Variants in RPS6KA2 observed in about 807,000 individuals in gnomAD.
The protein encoded by RPS6KA2 is ribosomal protein S6 kinase A2, also known as ribosomal protein S6 kinase alpha-2.
In RPS6KA2, 42 loss-of-function variants were observed where a neutral mutation model predicts 91.8. That is an observed-to-expected ratio of 0.46 (90% CI 0.36 to 0.59). The LOEUF is 0.59. Ranked by LOEUF, RPS6KA2 falls within the 20% of genes least tolerant of loss-of-function variation. RPS6KA2 has a pLI of 0.00. For synonymous variants in RPS6KA2, 414 were observed against 393.6 expected (o/e 1.05, Z -0.61); for missense variants, 798 against 978.5 (o/e 0.82, Z 2.46).
At chr6:166,677,204 G>A (rs1171353605) in intron 2 of RPS6KA2, among the ~76,000 whole-genome samples, 2 of 152,276 alleles carry the variant, frequency 1.3e-5, no homozygotes, top group East Asian at 1.9e-4. Context: ...CCAGAAAGAC[G>A]GAACGGAAGG....
intron 10 of RPS6KA2, among the ~76,000 whole-genome samples, chr6:166,471,218 G>T (rs1780757140): frequency 6.6e-6 from 1 of 152,254 alleles, no homozygotes; most frequent in Admixed American, 6.5e-5. Flanking sequence ...GTCAGCACAG[G>T]TGTGGCCCGG....
At chr6:166,775,301 C>T (rs915204853) in intron 2 of RPS6KA2, among the ~76,000 whole-genome samples, 3 of 150,098 alleles carry the variant, frequency 2.0e-5, no homozygotes, top group African/African-American at 4.9e-5. Flanking sequence ...TCAGGAGCTC[C>T]ACCTTTGGTT....
rs1786869048 is a variant in RPS6KA2, at chr6:166,626,257, G to A, written c.99+664C>T. 6.6e-6 allele frequency among the ~76,000 whole-genome samples: 1 copy of A among 152,220 alleles called. No individual in the cohort carries two copies. The highest frequency in any genetic ancestry group is 6.5e-5 in the Admixed American group (1 of 15,288). ...AGGAAACTCTAAGATGCCAAGATGC[G>A]GGACAGGTAGAAAGGACAGGGCTTT... is the stretch of plus-strand genomic sequence containing the variant. On this transcript the variant is annotated intron_variant, in intron 1 of 20. Transcript: ENST00000265678. The surrounding 1 kb of genome is among the most constrained non-coding windows in gnomAD (Gnocchi z 4.1).
Position 166,612,361 on chromosome 6 carries a change from TG to T in RPS6KA2, c.99+14559del, listed in dbSNP as rs1238973627. Among the ~76,000 whole-genome samples the T allele has an allele frequency of 2.0e-5, 3 of 152,184 alleles. No individual in the cohort carries two copies. The East Asian group carries it at 5.8e-4, about 29-fold the overall frequency. On this transcript the variant is annotated intron_variant, in intron 1 of 20. Transcript: ENST00000265678. This position sits in a 1 kb window ranked among gnomAD's most constrained non-coding sequence, Gnocchi z 4.3. ...CAGAGACGTTTATCCTCCTTGCAGC[TG>T]GTGCATGAGTGAAACTCTGAATTTG...
intron 13 of RPS6KA2, among the ~76,000 whole-genome samples, chr6:166,449,874 C>CGGACCACCATGGGAACCACCACAG (rs1779812515): frequency 5.7e-5 from 7 of 122,670 alleles, no homozygotes; most frequent in African/African-American, 1.2e-4. Context: ...AACCACCACG[C>CGGACCACCATGGGAACCACCACAG]GGACCACCAT....
chr6:166,795,103 A>G, intron 2 of RPS6KA2, among the ~76,000 whole-genome samples: 1 of 152,276 alleles, frequency 6.6e-6, no homozygotes, highest in South Asian at 2.1e-4. Context: ...CATTTTCTAC[A>G]TTGTAATATA....
chr6:166,531,175 G>A (rs907232620), intron 3 of RPS6KA2, 57 bp downstream of exon 3: 8 of 1,091,556 alleles, frequency 7.3e-6, no homozygotes, highest in South Asian at 1.3e-5. Context: ...CTCAAATAAC[G>A]GAGTAGAAAT....
chr6:166,858,404 C>T (rs1022350902), intron 1 of RPS6KA2: 15 of 620,374 alleles, frequency 2.4e-5, no homozygotes, highest in Non-Finnish European at 4.1e-5. Flanking sequence ...CCGTCCCTTC[C>T]CACCTGAATT....
Position 166,639,833 on chromosome 6 carries a change from G to A in RPS6KA2, c.124-101049C>T, listed in dbSNP as rs972329909. Among the ~76,000 whole-genome samples, 1 of 151,730 alleles carries A rather than the reference G, an allele frequency of 6.6e-6. No individual in the cohort carries two copies. Among genetic ancestry groups the A allele is most frequent in the Non-Finnish European group, 1.5e-5 (1 of 67,948 alleles). ...ACAGGCCCTGTTGGGGTCTCTCCTG[G>A]GTTCCTCTAGTTTGCTCACTGTGCT... On this transcript the variant is annotated intron_variant, in intron 2 of 21. Transcript: ENST00000503859. The surrounding 1 kb of genome is among the most constrained non-coding windows in gnomAD (Gnocchi z 4.2).
chr6:166,668,104 G>A (rs1415847068), intron 2 of RPS6KA2, among the ~76,000 whole-genome samples: 2 of 152,228 alleles, frequency 1.3e-5, no homozygotes, highest in African/African-American at 2.4e-5. Flanking sequence ...CAGGTTCCTG[G>A]AGAGCTGGAG....
At chr6:166,438,155 A>G (rs926060928) in intron 14 of RPS6KA2, among the ~76,000 whole-genome samples, 3 of 152,240 alleles carry the variant, frequency 2.0e-5, no homozygotes, top group African/African-American at 7.2e-5. Context: ...ATTTAAACTA[A>G]TGACAGAGAG....
intron 2 of RPS6KA2, among the ~76,000 whole-genome samples, chr6:166,750,066 G>A (rs1791229073): frequency 6.6e-6 from 1 of 152,124 alleles, no homozygotes; most frequent in Non-Finnish European, 1.5e-5. Context: ...GGGCCTTCCT[G>A]GGAGAAGGCA....
chr6:166,701,471 C>T, intron 2 of RPS6KA2: 3 of 1,162,154 alleles, frequency 2.6e-6, no homozygotes, highest in South Asian at 2.4e-5. Context: ...GCGATCATCA[C>T]CATCCTCACC....
chr6:166,824,645 C>CTGTG (rs55815873), intron 2 of RPS6KA2, among the ~76,000 whole-genome samples: 1 of 147,654 alleles, frequency 6.8e-6, no homozygotes, highest in Non-Finnish European at 1.5e-5. Context: ...GTCTGTATGT[C>CTGTG]TGTGTGTGTG....
chr6:166,704,342 G>A lies in RPS6KA2; in HGVS notation c.123+153858C>T, dbSNP rs572616858. Among the ~76,000 whole-genome samples, 7 of 152,296 alleles carry A rather than the reference G, an allele frequency of 4.6e-5. No homozygotes were observed. The South Asian group carries it at 1.2e-3, about 27-fold the overall frequency. ...CACCTGGCCCAACAGGAACACTGAC[G>A]AGGCATGCGCATACTGCTGATGAAA... On this transcript the variant is annotated intron_variant, in intron 2 of 21. Coordinates refer to the RPS6KA2 transcript ENST00000503859.
At chr6:166,599,231 A>G (rs1183322857) in intron 1 of RPS6KA2, among the ~76,000 whole-genome samples, 2 of 152,234 alleles carry the variant, frequency 1.3e-5, no homozygotes, top group Non-Finnish European at 2.9e-5. Flanking sequence ...AATTAGCTTG[A>G]CAACGTCTTA....
rs1786916034 is a variant in RPS6KA2 at position 166,627,120 on chromosome 6, G to A, written c.-101C>T. 1 of 1,172,560 alleles carries A rather than the reference G, an allele frequency of 8.5e-7. No homozygotes were observed. The highest frequency in any genetic ancestry group is 3.9e-5 in the East Asian group (1 of 25,880). 72.6% of individuals were successfully genotyped at this position (1,172,560 alleles called of 1,614,324 possible). On this transcript the variant is annotated 5_prime_UTR_variant, in exon 1 of 21. Coordinates refer to ENST00000265678, the MANE Select transcript of RPS6KA2 (RefSeq NM_021135.6). Reference sequence around the variant, plus strand: ...TCCGCGGGCGGGCACGCGTGGCCAGGGAGCCCGGCACGGCGGCCATGGGCG... The same window carrying A: ...TCCGCGGGCGGGCACGCGTGGCCAGAGAGCCCGGCACGGCGGCCATGGGCG...
At chr6:166,798,803 C>T (rs576183127) in intron 2 of RPS6KA2, among the ~76,000 whole-genome samples, 26 of 152,308 alleles carry the variant, frequency 1.7e-4, no homozygotes, top group Non-Finnish European at 3.4e-4. Flanking sequence ...TCTTGGACCT[C>T]GCACCCATCC....
intron 3 of RPS6KA2, among the ~76,000 whole-genome samples, chr6:166,527,148 G>C (rs1027041211): frequency 1.3e-5 from 2 of 152,192 alleles, no homozygotes; most frequent in Non-Finnish European, 2.9e-5. Flanking sequence ...CTTAAACAGG[G>C]TGCAGCTTCC....
Sources: allele counts gnomAD v4.1 joint callset (sites outside exome capture counted in the v4.1 genomes callset), GRCh38; gene constraint gnomAD v4.1.1; non-coding constraint Gnocchi (gnomAD v3.1); transcripts MANE v1.5; gene names NCBI Gene and HGNC (gene_info 2026-07-23, HGNC 2026-07-21).